Variants in PEAR1 observed in about 807,000 individuals in gnomAD.
The protein encoded by PEAR1 is multiple EGF-like domains protein 12.
Under a neutral mutation model 131.2 loss-of-function variants are expected in PEAR1, and 113 were observed. That is an observed-to-expected ratio of 0.86 (90% CI 0.74 to 1.01). The LOEUF is 1.01. Ranked by LOEUF, PEAR1 falls within the 50% of genes least tolerant of loss-of-function variation. The pLI is 0.00. For missense variants in PEAR1, 1,408 were observed against 1,391.1 expected, an observed-to-expected ratio of 1.01 and a Z score of -0.19; for synonymous variants, 565 against 523.3, an observed-to-expected ratio of 1.08 and a Z score of -1.09.
In PEAR1 at chr1:156,910,361, G is replaced by A. The variant is rs143342590; in HGVS notation, c.1806G>A (p.Arg602=). 2,467 of 1,602,100 alleles carry A rather than the reference G, an allele frequency of 1.5e-3. 33 individuals carry two copies. In the African/African-American group the frequency reaches 0.028, roughly 18 times the overall value. Residue 602 remains arginine (R), a synonymous_variant, in exon 14 of 23, where the codon CGG becomes CGA. Transcript: ENST00000292357. ...ACTGCGTGTGTGCACCCGGATTCCG[G>A]GGCCCCTCCTGCCAGAGATGTGAGG... ...NGNCVCAPGF[R]GPSCQRSCQP...
At chr1:156,901,669 C>T (rs1199634181) in intron 1 of PEAR1, among the ~76,000 whole-genome samples, 1 of 152,108 alleles carries the variant, frequency 6.6e-6, no homozygotes, top group Non-Finnish European at 1.5e-5. Flanking sequence ...AGGGGCCCCA[C>T]GCCAGGGCCA....
chr1:156,908,306 G>C lies in PEAR1; in HGVS notation c.1081G>C (p.Ala361Pro). 1 of 1,565,002 alleles carries C rather than the reference G, an allele frequency of 6.4e-7. No individual in the cohort carries two copies. Among genetic ancestry groups the C allele is most frequent in the Non-Finnish European group, 8.6e-7 (1 of 1,159,948 alleles). ...CGGCTTCTACGGTCTCAGCTGCCAG[G>C]CCCCCTGCACCTGCGACCGGGAGCA... Reference protein sequence around the residue: ...PDGFYGLSCQAPCTCDREHSL... With the variant: ...PDGFYGLSCQPPCTCDREHSL... Residue 361 changes from alanine (A) to proline (P), a missense_variant, in exon 9 of 23, where the codon GCC (alanine) becomes CCC (proline). By Grantham distance (27) the Ala-to-Pro change is conservative. Transcript: ENST00000292357. The surrounding 1 kb of genome is among the most constrained non-coding windows in gnomAD (Gnocchi z 4.2).
chr1:156,900,811 T>G (rs1298330131), intron 1 of PEAR1, among the ~76,000 whole-genome samples: 4 of 152,092 alleles, frequency 2.6e-5, no homozygotes, highest in Non-Finnish European at 5.9e-5. Flanking sequence ...GAGTGCACTG[T>G]GGGCCCCCAG....
chr1:156,906,708 C>G lies in PEAR1; in HGVS notation c.472C>G (p.Pro158Ala), dbSNP rs761700824. The change falls in exon 6 of 23, where the codon CCC becomes GCC. Residue 158 changes from proline (P) to alanine (A), a missense_variant. Physicochemically the swap from Pro to Ala is conservative, Grantham distance 27. Transcript: ENST00000292357. ...CTGCGGCAACAACAGCTCGTGTGAT[C>G]CCAAGAGTGGGGTATGTTCTTGCCC... Reference protein sequence around the residue: ...CSCGNNSSCDPKSGVCSCPSG... With the variant: ...CSCGNNSSCDAKSGVCSCPSG... The G allele has an allele frequency of 9.5e-5, 153 of 1,613,994 alleles. No homozygotes were observed. Among genetic ancestry groups the G allele is most frequent in the Non-Finnish European group, 1.3e-4 (149 of 1,179,954 alleles).
At chr1:156,905,073 C>T (rs1490313994) in intron 3 of PEAR1, 9 of 1,319,168 alleles carry the variant, frequency 6.8e-6, no homozygotes, top group Non-Finnish European at 8.4e-6. Flanking sequence ...CAGTATATGC[C>T]TGTGGGGTTG....
chr1:156,910,447 C>G (rs1319140984), intron 14 of PEAR1, 67 bp downstream of exon 14: 3 of 1,544,872 alleles, frequency 1.9e-6, no homozygotes, highest in Non-Finnish European at 2.6e-6. Flanking sequence ...GCTGCCAGAG[C>G]ACCCCTCCCC....
chr1:156,912,692 C>G, intron 17 of PEAR1, 70 bp downstream of exon 17: 1 of 1,610,146 alleles, frequency 6.2e-7, no homozygotes, highest in Non-Finnish European at 8.5e-7. Context: ...CTCATACAGT[C>G]CCTACTTCCC....
In PEAR1 at chr1:156,914,312, C is replaced by T. The variant is rs1314088338; in HGVS notation, c.2962+212C>T. ...TCTGGAGAACAGTATGGTGTACCTT[C>T]TTCGCAGAGCTCAGGATAGAAGTGG... On this transcript the variant is annotated intron_variant, in intron 22 of 22. Transcript: ENST00000292357. Among the ~76,000 whole-genome samples, 4 of 152,176 alleles carry T rather than the reference C, an allele frequency of 2.6e-5. No homozygotes were observed. In the East Asian group the frequency reaches 7.7e-4, roughly 29 times the overall value.
At chr1:156,906,531 G>A in intron 5 of PEAR1, 106 bp from the exon 6 acceptor site, 1 of 1,559,058 alleles carries the variant, frequency 6.4e-7, no homozygotes, top group Non-Finnish European at 8.7e-7. Flanking sequence ...GTGGAAGACA[G>A]GGTGGGCCTG....
chr1:156,905,455 T>A (rs779020398), intron 4 of PEAR1, 31 bp downstream of exon 4: 1 of 1,559,610 alleles, frequency 6.4e-7, no homozygotes. Flanking sequence ...GGGAGCGGGG[T>A]GGGGCAATGG....
At position 156,915,469 on chromosome 1, in the gene PEAR1, C is replaced by G. The variant is rs1651777748; in HGVS notation, c.*671C>G. 6.6e-6 allele frequency: 1 copy of G among 152,276 alleles called. No homozygotes were observed. 9.4% of individuals were successfully genotyped at this position (152,276 alleles called of 1,614,324 possible). ...TGTGTTCCTGTCACTGCACGCCAGT[C>G]ACACCGGCCTCTAGGTCCTCCTGTA... On this transcript the variant is annotated 3_prime_UTR_variant, in exon 23 of 23. Coordinates refer to ENST00000292357, the MANE Select transcript of PEAR1 (RefSeq NM_001080471.3).
chr1:156,901,188 C>T (rs374366793), intron 1 of PEAR1, among the ~76,000 whole-genome samples: 18 of 152,238 alleles, frequency 1.2e-4, no homozygotes, highest in Admixed American at 3.9e-4. Context: ...ATGCCTCCTC[C>T]GCACTCTGGC....
At chr1:156,904,602 TG>T in intron 2 of PEAR1, 145 bp from the exon 3 acceptor site, 1 of 782,728 alleles carries the variant, frequency 1.3e-6, no homozygotes, top group Non-Finnish European at 2.1e-6. Context: ...TGGGACAGGA[TG>T]GGGGTCCCAT....
In PEAR1 at chr1:156,904,747, G is replaced by T; in HGVS notation, c.102-1G>T. ...CCCTGACCCTGTTCCCTGTCTTGCAGCTTCACTACCACCACCAAGGAGTCC... is the reference window on the plus strand; with the variant it reads ...CCCTGACCCTGTTCCCTGTCTTGCATCTTCACTACCACCACCAAGGAGTCC... On this transcript the variant is annotated splice_acceptor_variant, in intron 2 of 22. Coordinates refer to ENST00000292357, the MANE Select transcript of PEAR1 (RefSeq NM_001080471.3). LOFTEE classifies it high-confidence loss of function. 6.2e-7 allele frequency: 1 copy of T among 1,609,480 alleles called. No individual in the cohort carries two copies. The highest frequency in any genetic ancestry group is 8.5e-7 in the Non-Finnish European group (1 of 1,178,178).
chr1:156,902,583 C>A lies in PEAR1; in HGVS notation c.-9-1335C>A, dbSNP rs1649795095. ...TTGGGGCTGAGAGTGGCTTTGGGGA[C>A]CCTGGGAGTGTGTGGGTGTGGGGTG... is the stretch of plus-strand genomic sequence containing the variant. On this transcript the variant is annotated intron_variant, in intron 1 of 22. Transcript: ENST00000292357. This position sits in a 1 kb window ranked among gnomAD's most constrained non-coding sequence, Gnocchi z 4.3. Among the ~76,000 whole-genome samples the A allele has an allele frequency of 6.6e-6, 1 of 151,934 alleles. No individual in the cohort carries two copies. Among genetic ancestry groups the A allele is most frequent in the Admixed American group, 6.6e-5 (1 of 15,248 alleles).
chr1:156,896,419 G>A (rs951655051), intron 1 of PEAR1, among the ~76,000 whole-genome samples: 1 of 152,192 alleles, frequency 6.6e-6, no homozygotes, highest in African/African-American at 2.4e-5. Flanking sequence ...CCTTGGCAAG[G>A]CATTTTACCT....
Position 156,906,809 on chromosome 1 carries a change from C to A in PEAR1, c.573C>A (p.Cys191Ter), listed in dbSNP as rs1401911725. 5.6e-6 allele frequency: 9 copies of A among 1,614,230 alleles called. No homozygotes were observed. Among genetic ancestry groups the A allele is most frequent in the Non-Finnish European group, 7.6e-6 (9 of 1,180,040 alleles). The part of the protein sequence containing the change: ...GYYGPACQFR[C>*]QCHGAPCDPQ... ...ATGGCCCTGCCTGCCAGTTCCGCTG[C>A]CAGTGCCATGGGGCACCCTGCGATC... The change falls in exon 6 of 23, where the codon TGC (cysteine) becomes TGA (stop). Residue 191 changes from cysteine (C) to a stop codon, truncating the protein, a stop_gained. Transcript: ENST00000292357. LOFTEE classifies it high-confidence loss of function.
At chr1:156,907,499 A>T in intron 6 of PEAR1, 111 bp from the exon 7 acceptor site, 4 of 1,470,268 alleles carry the variant, frequency 2.7e-6, no homozygotes, top group Non-Finnish European at 3.6e-6. Context: ...GGAAAGAGCA[A>T]GTGTGAATCA....
rs147826153 is a variant in PEAR1, at chr1:156,913,264, C to T, written c.2493C>T (p.Asn831=). Residue 831 remains asparagine (N), a synonymous_variant, in exon 19 of 23, where the codon AAC becomes AAT. Transcript: ENST00000292357. ...SYHTLSQCSP[N]PPPPNKVPGP... is the part of the protein sequence containing the mutation. ...ACACCCTGTCGCAGTGCTCCCCAAA[C>T]CCCCCACCCCCTAACAAGGTCAGTG... is the stretch of plus-strand genomic sequence containing the variant. The T allele has an allele frequency of 1.5e-5, 24 of 1,607,510 alleles. No homozygotes were observed. The highest frequency in any genetic ancestry group is 1.7e-5 in the Admixed American group (1 of 59,544).
Sources: allele counts gnomAD v4.1 joint callset (sites outside exome capture counted in the v4.1 genomes callset), GRCh38; gene constraint gnomAD v4.1.1; non-coding constraint Gnocchi (gnomAD v3.1); transcripts MANE v1.5; gene names NCBI Gene and HGNC (gene_info 2026-07-23, HGNC 2026-07-21).